The following RSU1 variants were observed in gnomAD, a reference collection of about 807,000 sequenced individuals.
RSU1 encodes Ras suppressor protein 1.
RSU1 carries 26 observed loss-of-function variants against 31.1 expected under a neutral mutation model. The ratio of observed to expected loss-of-function variants is 0.84; its 90% confidence interval spans 0.61 to 1.16. The LOEUF (loss-of-function observed/expected upper bound fraction) is 1.16. RSU1 is among the 50% of genes most tolerant of loss of function. The pLI is 0.00. For missense variants in RSU1, 320 were observed against 339.1 expected, an observed-to-expected ratio of 0.94 and a Z score of 0.44; for synonymous variants, 164 against 136.3, an observed-to-expected ratio of 1.20 and a Z score of -1.41.
intron 3 of RSU1, among the ~76,000 whole-genome samples, chr10:16,773,679 C>G (rs988076765): frequency 6.6e-6 from 1 of 152,146 alleles, no homozygotes. Flanking sequence ...CAAATTCACT[C>G]TTTTCTCTTT....
chr10:16,659,772 T>C (rs1489576107), intron 8 of RSU1, among the ~76,000 whole-genome samples: 1 of 152,212 alleles, frequency 6.6e-6, no homozygotes, highest in East Asian at 1.9e-4. Flanking sequence ...AGAATTAGCT[T>C]GTCAATTTGA....
chr10:16,782,018 G>A lies in RSU1; in HGVS notation c.160+16C>T. ...CTAAATGTCAGAAACTGTAACAAATGAGAAACATCACTTACTTGTTAGCTT... is the reference window on the plus strand; with the variant it reads ...CTAAATGTCAGAAACTGTAACAAATAAGAAACATCACTTACTTGTTAGCTT... On this transcript the variant is annotated intron_variant, in intron 3 of 8. Coordinates refer to ENST00000345264, the MANE Select transcript of RSU1 (RefSeq NM_012425.4). 1.2e-6 allele frequency: 2 copies of A among 1,609,190 alleles called. No homozygotes were observed. The highest frequency in any genetic ancestry group is 1.7e-4 in the Middle Eastern group (1 of 5,922).
At chr10:16,793,865 T>C (rs1837976005) in intron 2 of RSU1, among the ~76,000 whole-genome samples, 1 of 151,276 alleles carries the variant, frequency 6.6e-6, no homozygotes, top group Non-Finnish European at 1.5e-5. Context: ...GATACCCAGA[T>C]AGCTGGTAAA....
At chr10:16,647,115 T>A (rs1834586793) in intron 8 of RSU1, among the ~76,000 whole-genome samples, 1 of 151,888 alleles carries the variant, frequency 6.6e-6, no homozygotes, top group African/African-American at 2.4e-5. Context: ...GTAGCTAACA[T>A]ATGCGTGCCA....
rs562461738 is a variant in RSU1, at chr10:16,769,653, G to A, written c.161-5143C>T. ...TTCCAACAACTTCCCAGGGGATGCC[G>A]ATGTTGCTGGTCTGGGAACCCTCTT... is the stretch of plus-strand genomic sequence containing the variant. On this transcript the variant is annotated intron_variant, in intron 3 of 8. Coordinates refer to ENST00000345264, the MANE Select transcript of RSU1 (RefSeq NM_012425.4). Among the ~76,000 whole-genome samples, 58 of 152,316 alleles carry A rather than the reference G, an allele frequency of 3.8e-4. 1 individual carries two copies. The highest frequency in any genetic ancestry group is 3.4e-3 in the Middle Eastern group (1 of 294).
intron 8 of RSU1, among the ~76,000 whole-genome samples, chr10:16,654,945 C>G (rs1477436052): frequency 4.7e-5 from 7 of 150,208 alleles, no homozygotes. Context: ...GTGCCTGTAG[C>G]CCTAGCTACT....
chr10:16,613,417 C>T (rs930527908), intron 8 of RSU1, among the ~76,000 whole-genome samples: 10 of 152,146 alleles, frequency 6.6e-5, no homozygotes, highest in East Asian at 1.9e-4. Flanking sequence ...TGCCAAGAGT[C>T]GGCACCTTGT....
At chr10:16,804,279 C>T (rs1838220040) in intron 2 of RSU1, among the ~76,000 whole-genome samples, 1 of 152,084 alleles carries the variant, frequency 6.6e-6, no homozygotes, top group African/African-American at 2.4e-5. Context: ...CACTGCATAC[C>T]CACTAAAATG....
chr10:16,665,518 G>A (rs1200371057), intron 8 of RSU1, among the ~76,000 whole-genome samples: 1 of 152,136 alleles, frequency 6.6e-6, no homozygotes, highest in African/African-American at 2.4e-5. Context: ...CTCAAAATCT[G>A]CATGAAGAAC....
At chr10:16,653,627 T>G (rs1834723882) in intron 8 of RSU1, among the ~76,000 whole-genome samples, 1 of 152,066 alleles carries the variant, frequency 6.6e-6, no homozygotes, top group African/African-American at 2.4e-5. Flanking sequence ...AGCTAAATAC[T>G]TAGGGCCAAA....
At chr10:16,770,000 A>C (rs1335189467) in intron 3 of RSU1, among the ~76,000 whole-genome samples, 3 of 152,174 alleles carry the variant, frequency 2.0e-5, no homozygotes, top group African/African-American at 7.2e-5. Flanking sequence ...CACTGAATTA[A>C]GTCACTCAGT....
chr10:16,633,568 T>C (rs969525403), intron 8 of RSU1, among the ~76,000 whole-genome samples: 2 of 152,162 alleles, frequency 1.3e-5, no homozygotes, highest in African/African-American at 4.8e-5. Context: ...CCTCAAGGAA[T>C]GTTCTGGAAT....
At chr10:16,775,618 C>T (rs2131640794) in intron 3 of RSU1, among the ~76,000 whole-genome samples, 1 of 152,298 alleles carries the variant, frequency 6.6e-6, no homozygotes, top group African/African-American at 2.4e-5. Flanking sequence ...TGCACTGGTT[C>T]TGGGTTCCTG....
chr10:16,708,184 T>A (rs1415648772), intron 7 of RSU1, among the ~76,000 whole-genome samples: 1 of 152,222 alleles, frequency 6.6e-6, no homozygotes, highest in Non-Finnish European at 1.5e-5. Context: ...AGCCTACTAT[T>A]GATCAGAAAC....
chr10:16,626,775 C>T (rs572928099), intron 8 of RSU1, among the ~76,000 whole-genome samples: 22 of 152,266 alleles, frequency 1.4e-4, no homozygotes, highest in Admixed American at 1.0e-3. Flanking sequence ...TAGGGCAGTT[C>T]ATGATCGATC....
intron 8 of RSU1, among the ~76,000 whole-genome samples, chr10:16,666,298 C>A (rs185448892): frequency 4.6e-5 from 7 of 152,232 alleles, no homozygotes; most frequent in African/African-American, 1.7e-4. Context: ...GAAATATACA[C>A]AGAAAGCCAC....
intron 7 of RSU1, chr10:16,721,543 A>T (rs898347102): frequency 6.6e-6 from 1 of 152,282 alleles, no homozygotes; most frequent in Non-Finnish European, 1.5e-5. Context: ...TGTGGCTGGG[A>T]GGCCTAAGCC....
intron 8 of RSU1, among the ~76,000 whole-genome samples, chr10:16,617,323 A>C (rs1386763902): frequency 1.3e-5 from 2 of 152,224 alleles, no homozygotes; most frequent in African/African-American, 4.8e-5. Context: ...CCACTGCTCA[A>C]GAAAATAAGA....
intron 2 of RSU1, among the ~76,000 whole-genome samples, chr10:16,783,664 TTTTTTG>T (rs1837707324): frequency 6.6e-6 from 1 of 152,272 alleles, no homozygotes; most frequent in African/African-American, 2.4e-5. Context: ...GCATGTTTTT[TTTTTTG>T]TTTTGTTTTT....
Sources: gnomAD v4.1 joint callset for allele counts (sites outside exome capture counted in the v4.1 genomes callset) on GRCh38, gnomAD v4.1.1 for gene constraint, MANE v1.5 for transcripts, NCBI Gene and HGNC (gene_info 2026-07-23, HGNC 2026-07-21) for gene names.